The following IL1RAPL2 variants were observed in gnomAD, a reference collection of about 807,000 sequenced individuals.
IL1RAPL2 encodes the protein X-linked interleukin-1 receptor accessory protein-like 2.
Under a neutral mutation model 44.1 loss-of-function variants are expected in IL1RAPL2, and 3 were observed. The ratio of observed to expected loss-of-function variants is 0.07; its 90% CI spans 0.03 to 0.18. The LOEUF (loss-of-function observed/expected upper bound fraction) is 0.18, where lower values mean the gene tolerates loss of function less well. Ranked by LOEUF, IL1RAPL2 falls within the 10% of genes least tolerant of loss-of-function variation. The probability of loss-of-function intolerance (pLI) is 1.00; values close to 1 mark genes in which losing one functional copy is unlikely to be tolerated. For synonymous variants in IL1RAPL2, 181 were observed against 178.8 expected, an observed-to-expected ratio of 1.01 and a Z score of -0.10; for missense variants, 391 against 496.4, an observed-to-expected ratio of 0.79 and a Z score of 2.02.
intron 2 of IL1RAPL2, among the ~76,000 whole-genome samples, chrX:104,672,766 C>T (rs1930639757): frequency 9.4e-6 from 1 of 106,861 alleles, no homozygotes; most frequent in South Asian, 4.2e-4. Flanking sequence ...CTGTTGTTTC[C>T]TGACTTTTTA....
At chrX:104,803,262 C>T (rs1416657194) in intron 2 of IL1RAPL2, among the ~76,000 whole-genome samples, 1 of 111,821 alleles carries the variant, frequency 8.9e-6, no homozygotes, top group African/African-American at 3.3e-5. Context: ...ACCCTGTGAA[C>T]AATGTATTAA....
intron 2 of IL1RAPL2, among the ~76,000 whole-genome samples, chrX:105,077,353 AG>A (rs1455068137): frequency 8.9e-6 from 1 of 111,741 alleles, no homozygotes; most frequent in South Asian, 3.7e-4. Context: ...CTTTTCTTTA[AG>A]AATGTTGAAT....
chrX:105,153,556 A>G (rs749749888), intron 2 of IL1RAPL2, among the ~76,000 whole-genome samples: 8 of 112,125 alleles, frequency 7.1e-5, no homozygotes, highest in Non-Finnish European at 1.3e-4. Flanking sequence ...TGACAGCCTC[A>G]GGAGGTCCTG....
At chrX:104,830,438 T>A (rs751118537) in intron 2 of IL1RAPL2, among the ~76,000 whole-genome samples, 1 of 111,888 alleles carries the variant, frequency 8.9e-6, no homozygotes, top group South Asian at 3.8e-4. Context: ...AGCAGCAGTG[T>A]TTTTATTCAA....
intron 6 of IL1RAPL2, among the ~76,000 whole-genome samples, chrX:105,552,638 A>C (rs1327530522): frequency 8.9e-6 from 1 of 111,789 alleles, no homozygotes; most frequent in Non-Finnish European, 1.9e-5. Flanking sequence ...TGCTGGCTAT[A>C]TGCTGAATCC....
At chrX:105,529,489 C>T (rs1382370913) in intron 6 of IL1RAPL2, among the ~76,000 whole-genome samples, 1 of 109,968 alleles carries the variant, frequency 9.1e-6, no homozygotes, top group Non-Finnish European at 1.9e-5. Flanking sequence ...AAAGGAATTA[C>T]CCCCTCCTTC....
chrX:104,778,606 G>C (rs899086632), intron 2 of IL1RAPL2, among the ~76,000 whole-genome samples: 4 of 105,904 alleles, frequency 3.8e-5, no homozygotes, highest in Non-Finnish European at 7.7e-5. Flanking sequence ...ATTGTGAACA[G>C]TAGTGCTATG....
chrX:105,180,344 C>CAAAAAAAAAAAAAAA (rs1447517527), intron 2 of IL1RAPL2, among the ~76,000 whole-genome samples: 1 of 100,816 alleles, frequency 9.9e-6, no homozygotes, highest in African/African-American at 4.0e-5. Context: ...TCTCAAAAAA[C>CAAAAAAAAAAAAAAA]AAAAACAAAA....
intron 2 of IL1RAPL2, among the ~76,000 whole-genome samples, chrX:104,961,340 A>AT (rs1437241827): frequency 1.8e-5 from 2 of 111,236 alleles, no homozygotes; most frequent in East Asian, 5.7e-4. Flanking sequence ...CCCTTTCCTT[A>AT]TTTTTTGTGT....
chrX:105,239,889 G>A (rs1225365368), intron 4 of IL1RAPL2, among the ~76,000 whole-genome samples: 1 of 111,620 alleles, frequency 9.0e-6, no homozygotes, highest in Non-Finnish European at 1.9e-5. Context: ...GTAATAATCT[G>A]TTATAACATC....
intron 6 of IL1RAPL2, among the ~76,000 whole-genome samples, chrX:105,616,094 A>G (rs1197116275): frequency 8.9e-5 from 10 of 112,478 alleles, no homozygotes; most frequent in Admixed American, 4.7e-4. Flanking sequence ...AGTTGATAAC[A>G]GTACTGCAAT....
intron 4 of IL1RAPL2, among the ~76,000 whole-genome samples, chrX:105,265,093 C>A (rs774110508): frequency 2.7e-5 from 3 of 111,799 alleles, no homozygotes; most frequent in Non-Finnish European, 5.6e-5. Context: ...AAACAGTGAG[C>A]AGAGAAAATG....
chrX:104,786,680 C>G (rs1203352162), intron 2 of IL1RAPL2, among the ~76,000 whole-genome samples: 1 of 111,581 alleles, frequency 9.0e-6, no homozygotes, highest in Non-Finnish European at 1.9e-5. Flanking sequence ...TTTGTGACTG[C>G]CACTATGCTA....
Position 104,753,904 on chromosome X carries a change from A to T in IL1RAPL2, c.82+94909A>T, listed in dbSNP as rs762082997. On this transcript the variant is annotated intron_variant, in intron 2 of 10. Coordinates refer to ENST00000372582, the MANE Select transcript of IL1RAPL2 (RefSeq NM_017416.2). ...TAGCCAATTCTTTTTCAATTCTATG[A>T]CTTAACATTACCTTTTCTTTTTGTT... 5.4e-5 allele frequency among the ~76,000 whole-genome samples: 6 copies of T among 111,820 alleles called. No homozygotes were observed. The Admixed American group carries it at 5.7e-4, about 11-fold the overall frequency.
At chrX:105,123,750 G>A in intron 2 of IL1RAPL2, among the ~76,000 whole-genome samples, 1 of 111,175 alleles carries the variant, frequency 9.0e-6, no homozygotes, top group Non-Finnish European at 1.9e-5. Flanking sequence ...AGGTATATAA[G>A]TGAACTAGTA....
chrX:104,667,868 GA>G (rs1298802506), intron 2 of IL1RAPL2, among the ~76,000 whole-genome samples: 1 of 111,316 alleles, frequency 9.0e-6, no homozygotes, highest in African/African-American at 3.3e-5. Context: ...AGTCATATAA[GA>G]GGCATGGATA....
chrX:105,337,082 G>C (rs1296901513), intron 5 of IL1RAPL2, among the ~76,000 whole-genome samples: 1 of 111,766 alleles, frequency 8.9e-6, no homozygotes, highest in African/African-American at 3.3e-5. Flanking sequence ...TTTTAAAAAT[G>C]TAACATCCTC....
intron 2 of IL1RAPL2, among the ~76,000 whole-genome samples, chrX:104,822,586 C>T (rs1921332427): frequency 8.9e-6 from 1 of 111,814 alleles, no homozygotes; most frequent in African/African-American, 3.3e-5. Flanking sequence ...TCTGAGGACT[C>T]AGTTCTGTTT....
intron 5 of IL1RAPL2, among the ~76,000 whole-genome samples, chrX:105,374,413 T>G (rs1395503993): frequency 9.0e-6 from 1 of 111,527 alleles, no homozygotes; most frequent in Non-Finnish European, 1.9e-5. Flanking sequence ...GCATTGACTC[T>G]GTAGATTGCT....
Sources: gnomAD v4.1 joint callset for allele counts (sites outside exome capture counted in the v4.1 genomes callset) on GRCh38, gnomAD v4.1.1 for gene constraint, MANE v1.5 for transcripts, NCBI Gene and HGNC (gene_info 2026-07-23, HGNC 2026-07-21) for gene names.